TYW1B: variants seen among roughly 807,000 people sequenced by gnomAD.
TYW1B encodes the protein S-adenosyl-L-methionine-dependent tRNA 4-demethylwyosine synthase TYW1B.
In TYW1B, 73 loss-of-function variants were observed where a neutral mutation model predicts 86.9. The observed-to-expected ratio is 0.84, with a 90% CI of 0.70 to 1.02. TYW1B has a LOEUF of 1.02. Ranked by LOEUF, TYW1B falls within the 50% of genes least tolerant of loss-of-function variation. The pLI is 0.00. For missense variants in TYW1B, 637 were observed against 827.4 expected (o/e 0.77, Z 2.82); for synonymous variants, 248 against 292.8 (o/e 0.85, Z 1.56).
At chr7:72,752,893 A>G (rs921891875) in intron 7 of TYW1B, among the ~76,000 whole-genome samples, 1 of 152,190 alleles carries the variant, frequency 6.6e-6, no homozygotes, top group Non-Finnish European at 1.5e-5. Context: ...CACCAGCCAA[A>G]GTGTGAAAAT....
chr7:72,595,278 G>A (rs1326052551), intron 13 of TYW1B, among the ~76,000 whole-genome samples: 10 of 152,050 alleles, frequency 6.6e-5, no homozygotes, highest in Non-Finnish European at 1.5e-4. Context: ...ACTAATAAAG[G>A]AATTCAGCAA....
At chr7:72,806,600 C>G (rs1554476729) in intron 5 of TYW1B, among the ~76,000 whole-genome samples, 1 of 151,894 alleles carries the variant, frequency 6.6e-6, no homozygotes, top group African/African-American at 2.4e-5. Context: ...CTCTCTCTCT[C>G]TCTGAAACAC....
chr7:72,792,977 G>A (rs201254956), intron 6 of TYW1B, among the ~76,000 whole-genome samples: 106 of 150,890 alleles, frequency 7.0e-4, no homozygotes, highest in Non-Finnish European at 1.1e-3. Context: ...TATGAAAAGC[G>A]GATCCAGGAA....
intron 2 of TYW1B, among the ~76,000 whole-genome samples, chr7:72,820,317 G>A (rs1237002985): frequency 2.0e-5 from 3 of 151,966 alleles, no homozygotes; most frequent in African/African-American, 7.2e-5. Flanking sequence ...TTCATATCCA[G>A]CCAAATTAAG....
At chr7:72,771,607 C>T (rs17764272) in intron 7 of TYW1B, among the ~76,000 whole-genome samples, 8,500 of 152,134 alleles carry the variant, frequency 0.056, 551 homozygotes, top group East Asian at 0.33. Context: ...AGCTTCACCC[C>T]TGAGTGGCTC....
chr7:72,768,201 A>G lies in TYW1B; in HGVS notation c.964+9215T>C, dbSNP rs186940649. Among the ~76,000 whole-genome samples the G allele has an allele frequency of 2.0e-3, 298 of 151,852 alleles. 1 individual carries two copies. Among genetic ancestry groups the G allele is most frequent in the African/African-American group, 7.1e-3 (293 of 41,406 alleles). On this transcript the variant is annotated intron_variant, in intron 7 of 13. Transcript: ENST00000620995. ...GGCTGCAGTGAGCCGAAATTGCACC[A>G]CTACACTATAGCCTGGATGACAGGG...
Position 72,786,721 on chromosome 7 carries a change from C to T in TYW1B, c.847-9188G>A, listed in dbSNP as rs531868997. Among the ~76,000 whole-genome samples the T allele has an allele frequency of 1.3e-4, 19 of 151,830 alleles. No homozygotes were observed. In the South Asian group the frequency reaches 3.1e-3, roughly 25 times the overall value. On this transcript the variant is annotated intron_variant, in intron 6 of 13. Transcript: ENST00000620995. Reference sequence around the variant, plus strand: ...CTCCTAGCAGCTGGGATTATAGGCACGCACCATCACGCCAAGCTAATTTTT... The same window carrying T: ...CTCCTAGCAGCTGGGATTATAGGCATGCACCATCACGCCAAGCTAATTTTT...
chr7:72,810,610 G>T lies in TYW1B; in HGVS notation c.293C>A (p.Pro98Gln), dbSNP rs782270162. Residue 98 changes from proline to glutamine, a missense_variant, in exon 4 of 14, where the codon CCA becomes CAA. Transcript: ENST00000620995. ...FLVATYTDGL[P>Q]TESAEWFCKW... is the part of the protein sequence containing the mutation. Reference sequence around the variant, plus strand: ...GCAGAACCACTCTGCACTTTCGGTTGGTAGGCCGTCAGTGTATGTCGCAAC... The same window carrying T: ...GCAGAACCACTCTGCACTTTCGGTTTGTAGGCCGTCAGTGTATGTCGCAAC... The T allele has an allele frequency of 6.2e-7, 1 of 1,613,680 alleles. No individual in the cohort carries two copies. Among genetic ancestry groups the T allele is most frequent in the Non-Finnish European group, 8.5e-7 (1 of 1,179,836 alleles).
intron 11 of TYW1B, among the ~76,000 whole-genome samples, chr7:72,668,258 T>C (rs782673004): frequency 3.9e-5 from 6 of 152,254 alleles, no homozygotes; most frequent in Non-Finnish European, 8.8e-5. Flanking sequence ...TCAATACTTA[T>C]ACACTATTAT....
rs139952065 is a variant in TYW1B, at chr7:72,775,054, G to C, written c.964+2362C>G. ...ATTATATAGGATTAATGGAAGATGA[G>C]ACATTACAGAAGAAAAGATAACTGA... On this transcript the variant is annotated intron_variant, in intron 7 of 13. Coordinates refer to ENST00000620995, the MANE Select transcript of TYW1B (RefSeq NM_001145440.3). Among the ~76,000 whole-genome samples, 46 of 152,240 alleles carry C rather than the reference G, an allele frequency of 3.0e-4. No individual in the cohort carries two copies. The East Asian group carries it at 8.3e-3, about 27-fold the overall frequency.
intron 8 of TYW1B, among the ~76,000 whole-genome samples, chr7:72,742,697 C>T (rs1787326237): frequency 6.6e-6 from 1 of 152,078 alleles, no homozygotes; most frequent in Non-Finnish European, 1.5e-5. Context: ...ACATTGTCTA[C>T]TTGCTAAAAT....
chr7:72,797,222 G>C (rs1392840672), intron 6 of TYW1B, among the ~76,000 whole-genome samples: 1 of 152,212 alleles, frequency 6.6e-6, no homozygotes, highest in Non-Finnish European at 1.5e-5. Flanking sequence ...CATGTGATTA[G>C]AGGATTAGAA....
chr7:72,640,442 T>TA (rs1314954021), intron 11 of TYW1B, among the ~76,000 whole-genome samples: 2 of 151,576 alleles, frequency 1.3e-5, no homozygotes, highest in Non-Finnish European at 2.9e-5. Flanking sequence ...CTTGTGGAGA[T>TA]ATAACTTAAA....
chr7:72,581,161 C>A (rs1322357605), intron 13 of TYW1B, among the ~76,000 whole-genome samples: 2 of 122,152 alleles, frequency 1.6e-5, no homozygotes, highest in Non-Finnish European at 3.4e-5. Context: ...CCACTCCATG[C>A]CCCGACAGAT....
At position 72,575,152 on chromosome 7, in the gene TYW1B, C is replaced by T. The variant is rs1563015268; in HGVS notation, c.*346G>A. The T allele has an allele frequency of 1.8e-6, 2 of 1,082,862 alleles. No individual in the cohort carries two copies. The highest frequency in any genetic ancestry group is 6.7e-5 in the East Asian group (1 of 14,954). The allele number at this position is 1,082,862 out of a possible 1,614,324, so 67.1% of individuals were successfully genotyped here. A position where few individuals can be genotyped will look rare whatever the true frequency, so the allele number is the denominator to read the frequency against. On this transcript the variant is annotated 3_prime_UTR_variant, in exon 14 of 14. Transcript: ENST00000620995. Reference sequence around the variant, plus strand: ...GGGGAAGAGGCCCAGGGATTTCTTCCTTGTCTGACACTCTCAGGACTAGCA... The same window carrying T: ...GGGGAAGAGGCCCAGGGATTTCTTCTTTGTCTGACACTCTCAGGACTAGCA...
At chr7:72,799,088 C>T (rs1788358596) in intron 6 of TYW1B, among the ~76,000 whole-genome samples, 1 of 150,960 alleles carries the variant, frequency 6.6e-6, no homozygotes, top group African/African-American at 2.4e-5. Context: ...AGTGATCCAC[C>T]TGCCTTGGCC....
At position 72,694,739 on chromosome 7, in the gene TYW1B, A is replaced by C; in HGVS notation, c.1454T>G (p.Phe485Cys). ...AAGGAATTGCTGCCAGAAATCCTTGAAGAGTGGGCGGTCGATTTTCTTCAG... is the reference window on the plus strand; with the variant it reads ...AAGGAATTGCTGCCAGAAATCCTTGCAGAGTGGGCGGTCGATTTTCTTCAG... Reference protein sequence around the residue: ...DSLKKIDRPLFKDFWQQFLDS... With the variant: ...DSLKKIDRPLCKDFWQQFLDS... The change falls in exon 11 of 14, where the codon TTC becomes TGC. Residue 485 changes from phenylalanine to cysteine, a missense_variant. Coordinates refer to ENST00000620995, the MANE Select transcript of TYW1B (RefSeq NM_001145440.3). 1 of 1,613,922 alleles carries C rather than the reference A, an allele frequency of 6.2e-7. No individual in the cohort carries two copies. The highest frequency in any genetic ancestry group is 1.3e-5 in the African/African-American group (1 of 75,030).
intron 11 of TYW1B, among the ~76,000 whole-genome samples, chr7:72,645,185 C>T (rs1812898683): frequency 6.6e-6 from 1 of 152,136 alleles, no homozygotes; most frequent in Non-Finnish European, 1.5e-5. Flanking sequence ...GATAAACTGA[C>T]TACATTGAAA....
chr7:72,774,937 T>C (rs1220013203), intron 7 of TYW1B, among the ~76,000 whole-genome samples: 14 of 152,020 alleles, frequency 9.2e-5, no homozygotes, highest in African/African-American at 3.1e-4. Context: ...CTGTATTCTA[T>C]AGGCTCAAAA....
Sources: gnomAD v4.1 joint callset for allele counts (sites outside exome capture counted in the v4.1 genomes callset) on GRCh38, gnomAD v4.1.1 for gene constraint, MANE v1.5 for transcripts, NCBI Gene and HGNC (gene_info 2026-07-23, HGNC 2026-07-21) for gene names.